Variants in F13A1 observed in about 807,000 individuals in gnomAD.
F13A1 encodes the protein FSF, A subunit.
Under a neutral mutation model 80.1 loss-of-function variants are expected in F13A1, and 47 were observed. The ratio of observed to expected loss-of-function variants is 0.59; its 90% CI spans 0.46 to 0.75. The LOEUF is 0.75. F13A1 is among the 30% of genes least tolerant of loss of function. The pLI is 0.00. For synonymous variants in F13A1, 349 were observed against 344.9 expected, an observed-to-expected ratio of 1.01 and a Z score of -0.13; for missense variants, 817 against 930.4, an observed-to-expected ratio of 0.88 and a Z score of 1.59.
chr6:6,178,818 C>A (rs1239639853), intron 11 of F13A1, among the ~76,000 whole-genome samples: 11 of 152,120 alleles, frequency 7.2e-5, no homozygotes, highest in Non-Finnish European at 1.5e-5. Context: ...GAATTGCAAG[C>A]AAAGGGAGTG....
chr6:6,259,900 A>G (rs1757755140), intron 4 of F13A1, among the ~76,000 whole-genome samples: 1 of 152,232 alleles, frequency 6.6e-6, no homozygotes, highest in Non-Finnish European at 1.5e-5. Context: ...AGGCACAGAT[A>G]TCAGAAATCT....
intron 6 of F13A1, among the ~76,000 whole-genome samples, chr6:6,245,389 A>G (rs903193312): frequency 2.6e-5 from 4 of 152,036 alleles, no homozygotes; most frequent in African/African-American, 9.7e-5. Context: ...TGCCTGGCTA[A>G]TTTTTTGTAT....
chr6:6,257,191 G>A (rs1185285964), intron 4 of F13A1, among the ~76,000 whole-genome samples: 1 of 152,182 alleles, frequency 6.6e-6, no homozygotes, highest in Admixed American at 6.5e-5. Context: ...CAGAGCAAAT[G>A]TGACTCCGGA....
At position 6,311,038 on chromosome 6, in the gene F13A1, C is replaced by CT. The variant is rs71312605; in HGVS notation, c.131-5500dup. Among the ~76,000 whole-genome samples, 989 of 149,270 alleles carry CT rather than the reference C, an allele frequency of 6.6e-3. 4 individuals are homozygous for CT. Among genetic ancestry groups the CT allele is most frequent in the Middle Eastern group, 0.042 (12 of 288 alleles). On this transcript the variant is annotated intron_variant, in intron 2 of 14. Coordinates refer to ENST00000264870, the MANE Select transcript of F13A1 (RefSeq NM_000129.4). Reference sequence around the variant, plus strand: ...CTCTTGATTCGCAGGAAACATCTGTCTTTTTTTTTTTAAAAAAAAGTATCA... The same window carrying CT: ...CTCTTGATTCGCAGGAAACATCTGTCTTTTTTTTTTTTAAAAAAAAGTATCA...
At chr6:6,217,263 G>T (rs12199721) in intron 8 of F13A1, among the ~76,000 whole-genome samples, 409 of 152,080 alleles carry the variant, frequency 2.7e-3, no homozygotes, top group Admixed American at 5.8e-3. Context: ...CAATAGCAAA[G>T]ACTTGGAACC....
At chr6:6,206,334 C>A (rs1217038825) in intron 8 of F13A1, 4 of 381,292 alleles carry the variant, frequency 1.0e-5, no homozygotes, top group African/African-American at 8.4e-5. Flanking sequence ...AACTAGTAAC[C>A]TTCTAACGGT....
At chr6:6,228,793 C>A (rs6906048) in intron 6 of F13A1, among the ~76,000 whole-genome samples, 1 of 149,000 alleles carries the variant, frequency 6.7e-6, no homozygotes, top group Non-Finnish European at 1.5e-5. Context: ...GGTGGAAACA[C>A]CTGCTGTGGA....
intron 10 of F13A1, among the ~76,000 whole-genome samples, chr6:6,184,540 T>C (rs1761043226): frequency 6.6e-6 from 1 of 152,250 alleles, no homozygotes; most frequent in Non-Finnish European, 1.5e-5. Context: ...ACCTGTGGAA[T>C]ATTTGTCATT....
In F13A1 at chr6:6,151,569, C is replaced by T. The variant is rs897712868; in HGVS notation, c.2045+244G>A. On this transcript the variant is annotated intron_variant, in intron 14 of 14. Transcript: ENST00000264870. ...CAACCTCTCAAAGCCTCAAATTCCT[C>T]AGCTACAGAAGGGAGATAATAGCAG... 2.6e-5 allele frequency among the ~76,000 whole-genome samples: 4 copies of T among 152,184 alleles called. No individual in the cohort carries two copies. In the South Asian group the frequency reaches 8.3e-4, roughly 31 times the overall value.
rs7758877 is a variant in F13A1, at chr6:6,285,778, A to G, written c.320-18969T>C. ...ATAATAATTGGTCCCAGCCAGTGCT[A>G]GGGAAGGGCAGTCTCCCAATAAACA... On this transcript the variant is annotated intron_variant, in intron 3 of 14. Coordinates refer to ENST00000264870, the MANE Select transcript of F13A1 (RefSeq NM_000129.4). Among the ~76,000 whole-genome samples, 1,428 of 152,132 alleles carry G rather than the reference A, an allele frequency of 9.4e-3. 23 individuals are homozygous for G. Among genetic ancestry groups the G allele is most frequent in the African/African-American group, 0.031 (1,306 of 41,534 alleles).
At chr6:6,266,900 G>A in intron 3 of F13A1, 91 bp from the exon 4 acceptor site, 1 of 1,535,208 alleles carries the variant, frequency 6.5e-7, no homozygotes, top group Non-Finnish European at 9.0e-7. Flanking sequence ...AGGGACAGGA[G>A]TAATCCATTA....
At chr6:6,293,272 G>T (rs1004651316) in intron 3 of F13A1, among the ~76,000 whole-genome samples, 1 of 152,046 alleles carries the variant, frequency 6.6e-6, no homozygotes, top group Non-Finnish European at 1.5e-5. Context: ...TACAGCTTGG[G>T]ATTTCACCCT....
At chr6:6,152,580 C>T (rs1760398595) in intron 13 of F13A1, among the ~76,000 whole-genome samples, 1 of 152,148 alleles carries the variant, frequency 6.6e-6, no homozygotes, top group African/African-American at 2.4e-5. Flanking sequence ...TGGAAGAACA[C>T]CACAGGAGAC....
intron 2 of F13A1, among the ~76,000 whole-genome samples, chr6:6,312,864 C>G (rs1758625647): frequency 6.6e-6 from 1 of 151,966 alleles, no homozygotes; most frequent in Admixed American, 6.6e-5. Flanking sequence ...AATGGGTTGT[C>G]CAAAGTATTG....
intron 3 of F13A1, among the ~76,000 whole-genome samples, chr6:6,300,376 G>A (rs1200786878): frequency 2.0e-5 from 3 of 151,124 alleles, no homozygotes; most frequent in East Asian, 3.9e-4. Context: ...TCAGACTGCT[G>A]TGCCAGCAAT....
In F13A1 at chr6:6,191,102, C is replaced by T. The variant is rs1047800058; in HGVS notation, c.1305+4695G>A. 8.0e-4 allele frequency among the ~76,000 whole-genome samples: 122 copies of T among 152,238 alleles called. 1 individual carries two copies. Among genetic ancestry groups the T allele is most frequent in the Non-Finnish European group, 1.3e-3 (87 of 68,044 alleles). On this transcript the variant is annotated intron_variant, in intron 10 of 14. Coordinates refer to ENST00000264870, the MANE Select transcript of F13A1 (RefSeq NM_000129.4). ...TTTGGCTCGCGCACGGTGCGTGCAC[C>T]CACTGACCTGTGCCCACTGTCTGGC... is the stretch of plus-strand genomic sequence containing the variant.
In F13A1 at chr6:6,144,154, G is replaced by C. The variant is rs900780685; in HGVS notation, c.*1465C>G. On this transcript the variant is annotated 3_prime_UTR_variant, in exon 15 of 15. Coordinates refer to ENST00000264870, the MANE Select transcript of F13A1 (RefSeq NM_000129.4). ...AATAATAATATACTAAGTTAAGCCA[G>C]TTTAACTGTCTAGCAAAATGCATTT... The C allele has an allele frequency of 1.3e-5, 2 of 152,164 alleles. No individual in the cohort carries two copies. Among genetic ancestry groups the C allele is most frequent in the African/African-American group, 2.4e-5 (1 of 41,436 alleles). The allele number at this position is 152,164 out of a possible 1,614,324, so 9.4% of individuals were successfully genotyped here.
intron 10 of F13A1, among the ~76,000 whole-genome samples, chr6:6,189,889 A>T (rs181371211): frequency 6.6e-6 from 1 of 152,128 alleles, no homozygotes; most frequent in Non-Finnish European, 1.5e-5. Context: ...GTCTTTTCAC[A>T]TAGTCCCATA....
At position 6,246,546 on chromosome 6, in the gene F13A1, G is replaced by A. The variant is rs146802036; in HGVS notation, c.798+1766C>T. 5.4e-3 allele frequency among the ~76,000 whole-genome samples: 829 copies of A among 152,258 alleles called. 8 individuals are homozygous for A. The highest frequency in any genetic ancestry group is 0.019 in the African/African-American group (780 of 41,542). On this transcript the variant is annotated intron_variant, in intron 6 of 14. Coordinates refer to ENST00000264870, the MANE Select transcript of F13A1 (RefSeq NM_000129.4). ...ACCGTTTTCCAAATGGATTTTCTCT[G>A]TCTAGTTTTAAATCTTTTAATTGGG...
Sources: gnomAD v4.1 joint callset for allele counts (sites outside exome capture counted in the v4.1 genomes callset) on GRCh38, gnomAD v4.1.1 for gene constraint, MANE v1.5 for transcripts, NCBI Gene and HGNC (gene_info 2026-07-23, HGNC 2026-07-21) for gene names.